C1QTNF3: variants seen among roughly 807,000 people sequenced by gnomAD.
C1QTNF3 encodes the protein C1q and TNF related 3, also known as complement C1q tumor necrosis factor-related protein 3.
C1QTNF3 carries 26 observed loss-of-function variants against 32.6 expected under a neutral mutation model. That is an observed-to-expected ratio of 0.80 (90% CI 0.58 to 1.11). The LOEUF is 1.11. Among genes scored for constraint, C1QTNF3 ranks in the 50% least tolerant of loss-of-function variants. The pLI is 0.00. For missense variants in C1QTNF3, 362 were observed against 398.2 expected (o/e 0.91, Z 0.77); for synonymous variants, 155 against 146.0 (o/e 1.06, Z -0.44).
the C1QTNF3 span, among the ~76,000 whole-genome samples, chr5:34,202,843 C>A: frequency 6.6e-6 from 1 of 151,462 alleles, no homozygotes; most frequent in Non-Finnish European, 1.5e-5. Flanking sequence ...TTTAGTCATT[C>A]ACTAAACCTC....
chr5:34,165,589 C>G, the C1QTNF3 span: 1 of 151,916 alleles, frequency 6.6e-6, no homozygotes, highest in African/African-American at 2.4e-5. Flanking sequence ...GATGCCATCA[C>G]TTGTAAAATT....
chr5:34,049,114 T>C, the C1QTNF3 span, among the ~76,000 whole-genome samples: 2 of 152,210 alleles, frequency 1.3e-5, no homozygotes, highest in Non-Finnish European at 2.9e-5. Context: ...TCACAGACAA[T>C]CTTTTGAGTC....
the C1QTNF3 span, among the ~76,000 whole-genome samples, chr5:34,103,470 A>G: frequency 6.6e-6 from 1 of 150,894 alleles, no homozygotes; most frequent in Non-Finnish European, 1.5e-5. Flanking sequence ...TTTGTTACAT[A>G]TATTCACAGC....
chr5:34,089,980 T>C, the C1QTNF3 span, among the ~76,000 whole-genome samples: 3 of 152,218 alleles, frequency 2.0e-5, no homozygotes, highest in Non-Finnish European at 4.4e-5. Context: ...GCATAGAACA[T>C]AGTTGTTAAT....
chr5:34,058,558 A>G, the C1QTNF3 span, among the ~76,000 whole-genome samples: 3 of 152,294 alleles, frequency 2.0e-5, no homozygotes, highest in Non-Finnish European at 2.9e-5. Context: ...AGCCCAGACA[A>G]AAGCCTGAGT....
At chr5:34,122,271 G>A in the C1QTNF3 span, among the ~76,000 whole-genome samples, 16 of 152,292 alleles carry the variant, frequency 1.1e-4, no homozygotes, top group African/African-American at 3.6e-4. Context: ...TGAAGGACAG[G>A]AGAAAAGCTG....
At chr5:34,155,724 G>C in the C1QTNF3 span, among the ~76,000 whole-genome samples, 1 of 152,020 alleles carries the variant, frequency 6.6e-6, no homozygotes, top group Non-Finnish European at 1.5e-5. Flanking sequence ...GAAGTGGTAG[G>C]TTTTCATTTA....
At chr5:34,080,105 A>T in the C1QTNF3 span, among the ~76,000 whole-genome samples, 1 of 151,682 alleles carries the variant, frequency 6.6e-6, no homozygotes, top group African/African-American at 2.4e-5. Context: ...AGCCTCGATA[A>T]AGCAGTTCTT....
the C1QTNF3 span, among the ~76,000 whole-genome samples, chr5:34,226,188 T>C: frequency 6.6e-6 from 1 of 151,942 alleles, no homozygotes; most frequent in Non-Finnish European, 1.5e-5. Context: ...CTTGAGAGAA[T>C]ACCGACTAAC....
chr5:34,179,634 T>C, the C1QTNF3 span, among the ~76,000 whole-genome samples: 6 of 152,350 alleles, frequency 3.9e-5, no homozygotes, highest in East Asian at 1.2e-3. Flanking sequence ...CTAACAACAC[T>C]CTTTCTCCCC....
chr5:34,232,877 T>C, the C1QTNF3 span, among the ~76,000 whole-genome samples: 42,480 of 149,962 alleles, frequency 0.28, 6,417 homozygotes, highest in East Asian at 0.48. Context: ...GGACTGCTTA[T>C]AATTGTTTAA....
chr5:34,039,738 C>T (rs1398020480), intron 1 of C1QTNF3, among the ~76,000 whole-genome samples: 1 of 152,204 alleles, frequency 6.6e-6, no homozygotes, highest in Non-Finnish European at 1.5e-5. Context: ...ACAGTCGTCT[C>T]GCATTTTTTT....
the C1QTNF3 span, among the ~76,000 whole-genome samples, chr5:34,141,372 C>A: frequency 1.3e-5 from 2 of 152,168 alleles, no homozygotes; most frequent in Admixed American, 1.3e-4. Context: ...TCTGCCTCAG[C>A]CTCCCAAAGT....
At chr5:34,127,588 CTTTTTT>C in the C1QTNF3 span, among the ~76,000 whole-genome samples, 1 of 141,208 alleles carries the variant, frequency 7.1e-6, no homozygotes, top group Non-Finnish European at 1.5e-5. Flanking sequence ...TTTTCTTTTC[CTTTTTT>C]TTTTTTTTTT....
the C1QTNF3 span, among the ~76,000 whole-genome samples, chr5:34,139,448 TC>T: frequency 6.6e-6 from 1 of 152,146 alleles, no homozygotes; most frequent in East Asian, 1.9e-4. Flanking sequence ...CCTAAATTAC[TC>T]TTGAGATCTT....
At chr5:34,099,241 AT>A in the C1QTNF3 span, among the ~76,000 whole-genome samples, 1 of 152,164 alleles carries the variant, frequency 6.6e-6, no homozygotes, top group Admixed American at 6.6e-5. Flanking sequence ...ATGGATCATC[AT>A]TTTTTAAACG....
the C1QTNF3 span, among the ~76,000 whole-genome samples, chr5:34,140,697 C>T: frequency 6.6e-6 from 1 of 152,184 alleles, no homozygotes; most frequent in Non-Finnish European, 1.5e-5. Context: ...ATTCTTCTTT[C>T]ATGATAGATT....
chr5:34,079,798 A>C, the C1QTNF3 span, among the ~76,000 whole-genome samples: 4 of 151,826 alleles, frequency 2.6e-5, no homozygotes, highest in South Asian at 8.3e-4. Context: ...GGGAGGTGCC[A>C]GTCAAAGGGT....
chr5:34,022,524 C>T (rs1191717294), intron 5 of C1QTNF3, among the ~76,000 whole-genome samples: 2 of 152,312 alleles, frequency 1.3e-5, no homozygotes, highest in South Asian at 2.1e-4. Flanking sequence ...TTGTGCTTCA[C>T]AGGCTGTCTC....
Sources: gnomAD v4.1 joint callset for allele counts (sites outside exome capture counted in the v4.1 genomes callset) on GRCh38, gnomAD v4.1.1 for gene constraint, MANE v1.5 for transcripts, NCBI Gene and HGNC (gene_info 2026-07-23, HGNC 2026-07-21) for gene names.